Variants in LMO7 observed in about 807,000 individuals in gnomAD.
LMO7 encodes LIM domain only protein 7.
In LMO7, 120 loss-of-function variants were observed where a neutral mutation model predicts 206.5. That is an observed-to-expected ratio of 0.58 (90% confidence interval 0.50 to 0.68). The LOEUF (loss-of-function observed/expected upper bound fraction) is 0.68. Among genes scored for constraint, LMO7 ranks in the 30% least tolerant of loss-of-function variants. The pLI, the probability that LMO7 is intolerant of heterozygous loss-of-function variation, is 0.00. For missense variants in LMO7, 1,959 were observed against 1,957.9 expected, an observed-to-expected ratio of 1.00 and a Z score of -0.01; for synonymous variants, 706 against 681.5, an observed-to-expected ratio of 1.04 and a Z score of -0.56.
intron 27 of LMO7, among the ~76,000 whole-genome samples, chr13:75,852,545 G>A (rs764912530): frequency 6.6e-6 from 1 of 152,340 alleles, no homozygotes. Context: ...TATGAAACAT[G>A]ATGCCACTGA....
intron 1 of LMO7, among the ~76,000 whole-genome samples, chr13:75,680,468 G>T (rs1357587468): frequency 6.6e-6 from 1 of 152,110 alleles, no homozygotes. Context: ...TTGAGTAATT[G>T]CCACACTGTC....
intron 1 of LMO7, among the ~76,000 whole-genome samples, chr13:75,684,245 TTTC>T (rs1381184729): frequency 6.6e-6 from 1 of 152,188 alleles, no homozygotes; most frequent in African/African-American, 2.4e-5. Flanking sequence ...TGAAATTTTT[TTTC>T]TTGAGATGCA....
chr13:75,848,923 A>T (rs560645786), intron 26 of LMO7, 156 bp from the exon 27 acceptor site: 505 of 596,108 alleles, frequency 8.5e-4, no homozygotes, highest in Non-Finnish European at 1.3e-3. Context: ...AACGTCTATT[A>T]TTTTTTGAGT....
At chr13:75,823,035 T>C (rs2057760568) in intron 14 of LMO7, among the ~76,000 whole-genome samples, 1 of 152,000 alleles carries the variant, frequency 6.6e-6, no homozygotes, top group South Asian at 2.1e-4. Context: ...GTAAAGGGAC[T>C]GGTTTAGAGT....
intron 4 of LMO7, among the ~76,000 whole-genome samples, chr13:75,783,387 ATTTT>A (rs1357158643): frequency 2.6e-5 from 4 of 152,056 alleles, no homozygotes; most frequent in Non-Finnish European, 5.9e-5. Context: ...CAGTGGTGCG[ATTTT>A]GGCTCACTGC....
Position 75,628,456 on chromosome 13 carries a change from G to A in LMO7, c.225+5136G>A, listed in dbSNP as rs570421280. ...GTCTGAATACCATTATGTAAGTACT[G>A]ACAACATCACATCTTTTTATTACTG... is the stretch of plus-strand genomic sequence containing the variant. On this transcript the variant is annotated intron_variant, in intron 2 of 29. Coordinates refer to the LMO7 transcript ENST00000341547. 2.6e-5 allele frequency: 4 copies of A among 152,260 alleles called. No homozygotes were observed. In the East Asian group the frequency reaches 7.7e-4, roughly 29 times the overall value. The allele number at this position is 152,260 out of a possible 1,614,324, so 9.4% of individuals were successfully genotyped here.
intron 3 of LMO7, among the ~76,000 whole-genome samples, chr13:75,747,790 G>T (rs1003314835): frequency 2.6e-5 from 4 of 152,224 alleles, no homozygotes; most frequent in African/African-American, 9.6e-5. Context: ...TTGCAGATGG[G>T]ATTGCGGTTG....
chr13:75,628,775 C>T (rs781559845), intron 2 of LMO7, among the ~76,000 whole-genome samples: 9 of 152,200 alleles, frequency 5.9e-5, no homozygotes, highest in Non-Finnish European at 1.0e-4. Context: ...GACCTCTTCT[C>T]TTATAATCTT....
chr13:75,754,782 G>A (rs2047544181), intron 3 of LMO7, among the ~76,000 whole-genome samples: 1 of 152,132 alleles, frequency 6.6e-6, no homozygotes, highest in African/African-American at 2.4e-5. Context: ...GAAGGAAAAT[G>A]GGTTGAAAGG....
intron 1 of LMO7, among the ~76,000 whole-genome samples, chr13:75,680,469 C>A (rs1281358588): frequency 6.6e-6 from 1 of 152,196 alleles, no homozygotes; most frequent in Non-Finnish European, 1.5e-5. Context: ...TGAGTAATTG[C>A]CACACTGTCT....
chr13:75,791,691 C>T (rs2053303440), intron 4 of LMO7, among the ~76,000 whole-genome samples: 1 of 152,010 alleles, frequency 6.6e-6, no homozygotes, highest in African/African-American at 2.4e-5. Flanking sequence ...AAAAATAAAG[C>T]ACGGATGAGA....
At chr13:75,726,228 G>T (rs181163102) in intron 2 of LMO7, among the ~76,000 whole-genome samples, 9 of 151,908 alleles carry the variant, frequency 5.9e-5, no homozygotes, top group Admixed American at 5.9e-4. Flanking sequence ...AAATTTCTAC[G>T]CAACCTGGCA....
At chr13:75,675,670 A>G (rs1223858932) in intron 1 of LMO7, among the ~76,000 whole-genome samples, 1 of 152,196 alleles carries the variant, frequency 6.6e-6, no homozygotes, top group African/African-American at 2.4e-5. Flanking sequence ...TATTGCAGGC[A>G]TGTGGGTGAA....
At chr13:75,760,669 A>G (rs2048094793) in intron 3 of LMO7, 1 of 1,510,564 alleles carries the variant, frequency 6.6e-7, no homozygotes, top group Admixed American at 2.1e-5. Context: ...GTAACAGGTA[A>G]TGTTTAACGT....
intron 1 of LMO7, among the ~76,000 whole-genome samples, chr13:75,643,596 A>G (rs972399533): frequency 1.3e-5 from 2 of 152,252 alleles, no homozygotes; most frequent in African/African-American, 4.8e-5. Context: ...GGAATTATGC[A>G]TACCTGTACT....
intron 2 of LMO7, among the ~76,000 whole-genome samples, chr13:75,624,433 A>C (rs999402772): frequency 6.6e-6 from 1 of 152,124 alleles, no homozygotes; most frequent in African/African-American, 2.4e-5. Context: ...CATAGGGCCA[A>C]TTTCCCCCTT....
Position 75,690,169 on chromosome 13 carries a change from A to G in LMO7, c.70-23013A>G, listed in dbSNP as rs557290819. Among the ~76,000 whole-genome samples the G allele has an allele frequency of 1.6e-4, 25 of 152,004 alleles. 1 individual carries two copies. The South Asian group carries it at 5.2e-3, about 32-fold the overall frequency. ...AGACCAGTCTCCACCTCCTGGCCTC[A>G]AGCGATCTTTTCATCTTAGCCTCCT... On this transcript the variant is annotated intron_variant, in intron 1 of 30. Transcript: ENST00000377534.
At chr13:75,732,087 C>T (rs2045301925) in intron 3 of LMO7, among the ~76,000 whole-genome samples, 1 of 152,062 alleles carries the variant, frequency 6.6e-6, no homozygotes. Flanking sequence ...TTTAGTGAAT[C>T]TGACAATTAT....
rs570513211 is a variant in LMO7, at chr13:75,647,951, C to CTTTTTTTTTTTTT, written c.69+11231_69+11243dup. Among the ~76,000 whole-genome samples, 537 of 91,124 alleles carry CTTTTTTTTTTTTT rather than the reference C, an allele frequency of 5.9e-3. 17 individuals carry two copies. The highest frequency in any genetic ancestry group is 0.014 in the Middle Eastern group (2 of 140). The allele number at this position is 91,124 out of a possible 152,430, so 59.8% of individuals were successfully genotyped here. Reference sequence around the variant, plus strand: ...GATTTTCTCTTGTTTTCTTTTCTTTCTTTTTTTTTTTTTTTTTTGAGACAG... The same window carrying CTTTTTTTTTTTTT: ...GATTTTCTCTTGTTTTCTTTTCTTTCTTTTTTTTTTTTTTTTTTTTTTTTTTTTTTTGAGACAG... On this transcript the variant is annotated intron_variant, in intron 1 of 30. Coordinates refer to ENST00000377534, the MANE Select transcript of LMO7 (RefSeq NM_001306080.2).
Sources: allele counts gnomAD v4.1 joint callset (sites outside exome capture counted in the v4.1 genomes callset), GRCh38; gene constraint gnomAD v4.1.1; transcripts MANE v1.5; gene names NCBI Gene and HGNC (gene_info 2026-07-23, HGNC 2026-07-21).